The following CAMTA1 variants were observed in gnomAD, a reference collection of about 807,000 sequenced individuals.
CAMTA1 encodes calmodulin binding transcription activator 1.
CAMTA1 carries 27 observed loss-of-function variants against 170.9 expected under a neutral mutation model. That is an observed-to-expected ratio of 0.16 (90% CI 0.12 to 0.22). The LOEUF is 0.22. Among genes scored for constraint, CAMTA1 ranks in the 10% least tolerant of loss-of-function variants. CAMTA1 has a pLI of 1.00. For missense variants in CAMTA1, 1,619 were observed against 2,217.2 expected, an observed-to-expected ratio of 0.73 and a Z score of 5.42; for synonymous variants, 833 against 891.5, an observed-to-expected ratio of 0.93 and a Z score of 1.17.
At chr1:7,411,780 T>A (rs2090777524) in intron 5 of CAMTA1, among the ~76,000 whole-genome samples, 1 of 151,994 alleles carries the variant, frequency 6.6e-6, no homozygotes. Flanking sequence ...TATTATACTT[T>A]AAGTTTTAGG....
chr1:7,042,957 G>C (rs1205635678), intron 3 of CAMTA1, among the ~76,000 whole-genome samples: 1 of 152,210 alleles, frequency 6.6e-6, no homozygotes, highest in Non-Finnish European at 1.5e-5. Context: ...TCAATGTGTG[G>C]TTGCCTCAAG....
chr1:7,398,175 CTCTCTCTCTCTCT>C (rs1557651045), intron 5 of CAMTA1, among the ~76,000 whole-genome samples: 1 of 40,564 alleles, frequency 2.5e-5, no homozygotes, highest in African/African-American at 9.9e-5. Flanking sequence ...CTCTCTCTCT[CTCTCTCTCTCTCT>C]CTCTCTATAT....
intron 3 of CAMTA1, among the ~76,000 whole-genome samples, chr1:6,967,966 C>T (rs1419878121): frequency 6.6e-6 from 1 of 152,198 alleles, no homozygotes; most frequent in African/African-American, 2.4e-5. Flanking sequence ...CATTATATCA[C>T]AGTTAATAAC....
intron 4 of CAMTA1, among the ~76,000 whole-genome samples, chr1:7,140,423 A>G (rs1213221595): frequency 6.6e-6 from 1 of 152,122 alleles, no homozygotes; most frequent in Non-Finnish European, 1.5e-5. Context: ...CCCTCCCCCA[A>G]GCCCTTATAG....
intron 3 of CAMTA1, among the ~76,000 whole-genome samples, chr1:6,953,773 T>A (rs79913984): frequency 7.9e-5 from 12 of 152,066 alleles, no homozygotes; most frequent in African/African-American, 2.7e-4. Flanking sequence ...TTTTTTTTTT[T>A]ATGAGCTTTC....
intron 6 of CAMTA1, among the ~76,000 whole-genome samples, chr1:7,610,142 C>T (rs74055171): frequency 0.025 from 3,851 of 152,336 alleles, 135 homozygotes; most frequent in African/African-American, 0.079. Flanking sequence ...CACACACACA[C>T]GTGCTCACAT....
chr1:6,864,846 G>A (rs1047968381), intron 3 of CAMTA1, among the ~76,000 whole-genome samples: 23 of 152,352 alleles, frequency 1.5e-4, no homozygotes, highest in African/African-American at 4.6e-4. Context: ...TTGTTCCTCA[G>A]TGCTGGGGTG....
chr1:7,097,048 G>A (rs1461453083), intron 4 of CAMTA1, among the ~76,000 whole-genome samples: 1 of 152,050 alleles, frequency 6.6e-6, no homozygotes, highest in Non-Finnish European at 1.5e-5. Flanking sequence ...CCCTCACCTC[G>A]AATGCCCTCA....
At chr1:7,110,253 A>G (rs1347982247) in intron 4 of CAMTA1, among the ~76,000 whole-genome samples, 1 of 151,798 alleles carries the variant, frequency 6.6e-6, no homozygotes, top group Non-Finnish European at 1.5e-5. Context: ...ATCCCAACCC[A>G]TTAGAATTTT....
chr1:7,620,546 A>AAG, intron 6 of CAMTA1, among the ~76,000 whole-genome samples: 1 of 152,244 alleles, frequency 6.6e-6, no homozygotes, highest in East Asian at 1.9e-4. Context: ...AACAAAGAAA[A>AAG]AGAGAGAGAG....
chr1:7,355,508 C>T (rs1003819175), intron 5 of CAMTA1, among the ~76,000 whole-genome samples: 2 of 152,236 alleles, frequency 1.3e-5, no homozygotes, highest in African/African-American at 2.4e-5. Context: ...TATTTAATCA[C>T]TCAGCCAACC....
At chr1:7,513,696 G>T (rs991530000) in intron 6 of CAMTA1, among the ~76,000 whole-genome samples, 1 of 152,156 alleles carries the variant, frequency 6.6e-6, no homozygotes. Context: ...GCCGAGATGG[G>T]AGTATCACCT....
intron 1 of CAMTA1, among the ~76,000 whole-genome samples, chr1:6,786,074 G>A (rs901007627): frequency 9.2e-5 from 14 of 151,784 alleles, no homozygotes; most frequent in African/African-American, 3.4e-4. Flanking sequence ...CCGGCGCTCA[G>A]CCCTCGCCGG....
intron 19 of CAMTA1, chr1:7,749,646 G>A: frequency 2.8e-6 from 1 of 353,066 alleles, no homozygotes; most frequent in Non-Finnish European, 5.5e-6. Context: ...GAAGATGGAA[G>A]GCATTAATAT....
At chr1:7,668,819 G>T (rs945374100) in intron 9 of CAMTA1, among the ~76,000 whole-genome samples, 1 of 152,166 alleles carries the variant, frequency 6.6e-6, no homozygotes, top group African/African-American at 2.4e-5. Context: ...TGTTGATTGC[G>T]GTTATTATTT....
At position 7,680,861 on chromosome 1, in the gene CAMTA1, C is replaced by CAG. The variant is rs1553247057; in HGVS notation, c.2914+3128_2914+3129insAG. On this transcript the variant is annotated intron_variant, in intron 11 of 22. Transcript: ENST00000303635. The surrounding 1 kb of genome is among the most constrained non-coding windows in gnomAD (Gnocchi z 4.4). ...GAGAACACGCGCGCGCGCGCGCGCGCCAGCAGCAGCAGCAGCAGCAGCTGC... is the reference window on the plus strand; with the variant it reads ...GAGAACACGCGCGCGCGCGCGCGCGCAGCAGCAGCAGCAGCAGCAGCAGCTGC... 8.2e-4 allele frequency among the ~76,000 whole-genome samples: 112 copies of CAG among 136,484 alleles called. No individual in the cohort carries two copies. Among genetic ancestry groups the CAG allele is most frequent in the Middle Eastern group, 4.2e-3 (1 of 238 alleles). 89.5% of individuals were successfully genotyped at this position (136,484 alleles called of 152,430 possible).
intron 11 of CAMTA1, among the ~76,000 whole-genome samples, chr1:7,703,310 G>A (rs1271663091): frequency 2.0e-5 from 3 of 152,064 alleles, no homozygotes; most frequent in Admixed American, 1.3e-4. Context: ...GACCCGGGGG[G>A]CGGGCGAGGG....
intron 3 of CAMTA1, among the ~76,000 whole-genome samples, chr1:6,928,244 G>T (rs890241199): frequency 6.6e-6 from 1 of 152,204 alleles, no homozygotes; most frequent in Non-Finnish European, 1.5e-5. Flanking sequence ...CAGTCTTGCC[G>T]TTCAGAGCAG....
intron 6 of CAMTA1, among the ~76,000 whole-genome samples, chr1:7,498,195 T>TGA (rs2093865705): frequency 2.0e-5 from 2 of 101,210 alleles, no homozygotes; most frequent in African/African-American, 4.1e-5. Flanking sequence ...AGAGTGAGTG[T>TGA]GTGTGTGTGT....
Sources: allele counts gnomAD v4.1 joint callset (sites outside exome capture counted in the v4.1 genomes callset), GRCh38; gene constraint gnomAD v4.1.1; non-coding constraint Gnocchi (gnomAD v3.1); transcripts MANE v1.5; gene names NCBI Gene and HGNC (gene_info 2026-07-23, HGNC 2026-07-21).